The following ENOX1 variants were observed in gnomAD, a reference collection of about 807,000 sequenced individuals.
ENOX1 encodes ecto-NOX disulfide-thiol exchanger 1, also known as candidate growth-related and time keeping constitutive hydroquinone (NADH) oxidase.
A neutral mutation model predicts 82.5 loss-of-function variants in ENOX1; 42 were observed. The observed-to-expected ratio is 0.51, with a 90% confidence interval of 0.40 to 0.66. The LOEUF (loss-of-function observed/expected upper bound fraction) is 0.66, where lower values mean the gene tolerates loss of function less well. Ranked by LOEUF, ENOX1 falls within the 30% of genes least tolerant of loss-of-function variation. The probability of loss-of-function intolerance (pLI) is 0.00; values close to 1 mark genes in which losing one functional copy is unlikely to be tolerated. For missense variants in ENOX1, 608 were observed against 811.6 expected, an observed-to-expected ratio of 0.75 and a Z score of 3.05; for synonymous variants, 271 against 282.2, an observed-to-expected ratio of 0.96 and a Z score of 0.40.
In ENOX1 at chr13:43,412,058, G is replaced by A. The variant is rs1165253439; in HGVS notation, c.71-5C>T. On this transcript the variant is annotated splice_polypyrimidine_tract_variant and splice_region_variant and intron_variant, in intron 4 of 16. Transcript: ENST00000690772. ...TACTCCCCAAACCATCGGCTGCTGTGGGGAAAAACAAACCATGATTTAGAG... is the reference window on the plus strand; with the variant it reads ...TACTCCCCAAACCATCGGCTGCTGTAGGGAAAAACAAACCATGATTTAGAG... The A allele has an allele frequency of 1.9e-6, 3 of 1,612,660 alleles. No individual in the cohort carries two copies. The highest frequency in any genetic ancestry group is 1.3e-5 in the African/African-American group (1 of 74,840).
chr13:43,264,248 C>T (rs911966313), intron 14 of ENOX1, among the ~76,000 whole-genome samples: 3 of 152,222 alleles, frequency 2.0e-5, no homozygotes, highest in South Asian at 2.1e-4. Flanking sequence ...ATTTAATAAG[C>T]AGCAAAGTCT....
At position 43,490,269 on chromosome 13, in the gene ENOX1, G is replaced by A. The variant is rs148026260; in HGVS notation, c.-218-6117C>T. ...ATCATCGTATTAATATTTTAGAAGC[G>A]CATAACTTGTTTAACTTCACAGGTT... On this transcript the variant is annotated intron_variant, in intron 2 of 16. Transcript: ENST00000690772. Among the ~76,000 whole-genome samples the A allele has an allele frequency of 2.2e-3, 334 of 152,186 alleles. 2 individuals are homozygous for A. The highest frequency in any genetic ancestry group is 0.014 in the Middle Eastern group (4 of 294).
At chr13:43,645,824 A>G (rs1202636227) in intron 2 of ENOX1, among the ~76,000 whole-genome samples, 1 of 152,140 alleles carries the variant, frequency 6.6e-6, no homozygotes, top group Non-Finnish European at 1.5e-5. Context: ...ATTTTAGCTA[A>G]TTATGCACTA....
chr13:43,713,657 G>A (rs536540877), intron 1 of ENOX1, among the ~76,000 whole-genome samples: 86 of 152,254 alleles, frequency 5.6e-4, no homozygotes, highest in Non-Finnish European at 9.9e-4. Context: ...TGTATTTGTC[G>A]AGTAATTTAT....
At chr13:43,733,118 C>G (rs1000848400) in intron 1 of ENOX1, among the ~76,000 whole-genome samples, 12 of 152,132 alleles carry the variant, frequency 7.9e-5, no homozygotes, top group African/African-American at 2.7e-4. Flanking sequence ...ACCTTCATAC[C>G]TGGATAACCA....
At chr13:43,595,217 T>C (rs551228398) in intron 2 of ENOX1, among the ~76,000 whole-genome samples, 1 of 151,266 alleles carries the variant, frequency 6.6e-6, no homozygotes, top group African/African-American at 2.4e-5. Context: ...CCAAATGAGG[T>C]ATAGATATTG....
intron 11 of ENOX1, among the ~76,000 whole-genome samples, chr13:43,307,992 A>G (rs1444909827): frequency 6.6e-6 from 1 of 152,190 alleles, no homozygotes; most frequent in East Asian, 1.9e-4. Flanking sequence ...CTAGATTCGC[A>G]GAGGCTTTTC....
At chr13:43,357,494 A>G (rs1387781868) in intron 7 of ENOX1, among the ~76,000 whole-genome samples, 1 of 152,218 alleles carries the variant, frequency 6.6e-6, no homozygotes, top group Non-Finnish European at 1.5e-5. Flanking sequence ...ATCAAAAACA[A>G]AAACATCTAA....
At chr13:43,765,331 A>G (rs1290507080) in intron 1 of ENOX1, among the ~76,000 whole-genome samples, 1 of 152,100 alleles carries the variant, frequency 6.6e-6, no homozygotes, top group East Asian at 1.9e-4. Context: ...TACTCTCCAC[A>G]TGTTCTCAAC....
intron 14 of ENOX1, among the ~76,000 whole-genome samples, chr13:43,261,013 C>T (rs928307256): frequency 1.7e-4 from 26 of 152,306 alleles, no homozygotes; most frequent in African/African-American, 4.6e-4. Flanking sequence ...TTGCAGTTGA[C>T]GTCAGTTTCT....
chr13:43,596,675 T>A (rs534077048), intron 2 of ENOX1, among the ~76,000 whole-genome samples: 1 of 152,326 alleles, frequency 6.6e-6, no homozygotes, highest in East Asian at 1.9e-4. Flanking sequence ...CAATAAAAAT[T>A]ATAGGTTTCA....
At chr13:43,478,408 A>G (rs1453459551) in intron 3 of ENOX1, among the ~76,000 whole-genome samples, 1 of 152,156 alleles carries the variant, frequency 6.6e-6, no homozygotes, top group African/African-American at 2.4e-5. Flanking sequence ...ATTTCAGGAA[A>G]TGAGAAATTC....
At chr13:43,560,783 T>A (rs1199225051) in intron 2 of ENOX1, among the ~76,000 whole-genome samples, 1 of 152,228 alleles carries the variant, frequency 6.6e-6, no homozygotes, top group Non-Finnish European at 1.5e-5. Context: ...CCAGCCATCA[T>A]GTGCTTTGTT....
intron 3 of ENOX1, among the ~76,000 whole-genome samples, chr13:43,480,413 A>C (rs2058464281): frequency 6.6e-6 from 1 of 152,192 alleles, no homozygotes; most frequent in Non-Finnish European, 1.5e-5. Context: ...GAGACTCAGG[A>C]AAGAACTGTG....
chr13:43,450,247 A>T (rs2056887810), intron 3 of ENOX1, among the ~76,000 whole-genome samples: 1 of 152,188 alleles, frequency 6.6e-6, no homozygotes, highest in Admixed American at 6.5e-5. Context: ...GCTCTGCTGG[A>T]CACCCTCACA....
At chr13:43,746,972 C>A (rs1230909376) in intron 1 of ENOX1, among the ~76,000 whole-genome samples, 1 of 152,202 alleles carries the variant, frequency 6.6e-6, no homozygotes, top group Non-Finnish European at 1.5e-5. Context: ...GTCTGCATCA[C>A]CATGCCTCAG....
intron 3 of ENOX1, among the ~76,000 whole-genome samples, chr13:43,427,000 C>G (rs765144102): frequency 2.0e-5 from 3 of 152,220 alleles, no homozygotes; most frequent in African/African-American, 7.2e-5. Flanking sequence ...TTCTTAACTA[C>G]TGGCTAATTC....
At chr13:43,291,563 C>T (rs1239952112) in intron 12 of ENOX1, among the ~76,000 whole-genome samples, 1 of 152,166 alleles carries the variant, frequency 6.6e-6, no homozygotes, top group Admixed American at 6.5e-5. Flanking sequence ...ATTCATGAAC[C>T]TGCTTGCTGT....
intron 11 of ENOX1, among the ~76,000 whole-genome samples, chr13:43,316,010 T>C (rs1314990278): frequency 6.6e-6 from 1 of 152,186 alleles, no homozygotes; most frequent in Non-Finnish European, 1.5e-5. Flanking sequence ...CGTCTTAACC[T>C]TTCCCAGGTC....
Sources: allele counts gnomAD v4.1 joint callset (sites outside exome capture counted in the v4.1 genomes callset), GRCh38; gene constraint gnomAD v4.1.1; transcripts MANE v1.5; gene names NCBI Gene and HGNC (gene_info 2026-07-23, HGNC 2026-07-21).